Variants in PLCB4 observed in about 807,000 individuals in gnomAD.
PLCB4 encodes phospholipase C beta 4.
A neutral mutation model predicts 178.8 loss-of-function variants in PLCB4; 77 were observed. The observed-to-expected ratio is 0.43, with a 90% confidence interval of 0.36 to 0.52. The LOEUF (loss-of-function observed/expected upper bound fraction) is 0.52, where lower values mean the gene tolerates loss of function less well. Ranked by LOEUF, PLCB4 falls within the 20% of genes least tolerant of loss-of-function variation. PLCB4 has a pLI of 0.00. For missense variants in PLCB4, 1,024 were observed against 1,453.4 expected, an observed-to-expected ratio of 0.70 and a Z score of 4.80; for synonymous variants, 496 against 490.8, an observed-to-expected ratio of 1.01 and a Z score of -0.14.
rs186586783 is a variant in PLCB4 at position 9,383,601 on chromosome 20, C to T, written c.854-600C>T. On this transcript the variant is annotated intron_variant, in intron 13 of 39. Coordinates refer to ENST00000378473, the MANE Select transcript of PLCB4 (RefSeq NM_001377142.1). ...GCTTTTGGGGCCACGTTTCAATGAC[C>T]ACTGTATACTCTTCTCACCAGTCCC... 4.5e-3 allele frequency among the ~76,000 whole-genome samples: 685 copies of T among 152,274 alleles called. 6 individuals are homozygous for T. The highest frequency in any genetic ancestry group is 8.0e-3 in the Non-Finnish European group (541 of 68,026).
chr20:9,208,458 A>G lies in PLCB4; in HGVS notation c.-78-8932A>G, dbSNP rs115983067. ...GAAGGGAGATTTCTTGAGGATTCTC[A>G]TTTTTTTAAGTCTTATCTAATAAGC... On this transcript the variant is annotated intron_variant, in intron 2 of 39. Coordinates refer to ENST00000378473, the MANE Select transcript of PLCB4 (RefSeq NM_001377142.1). Among the ~76,000 whole-genome samples the G allele has an allele frequency of 5.3e-3, 806 of 152,122 alleles. 10 individuals carry two copies. The highest frequency in any genetic ancestry group is 0.019 in the African/African-American group (772 of 41,490).
At chr20:9,305,785 A>T (rs1035552773) in intron 3 of PLCB4, among the ~76,000 whole-genome samples, 1 of 152,148 alleles carries the variant, frequency 6.6e-6, no homozygotes, top group African/African-American at 2.4e-5. Context: ...TTAAATCCAA[A>T]TTTATTTTCC....
intron 2 of PLCB4, among the ~76,000 whole-genome samples, chr20:9,154,915 C>CCTTG (rs1450278708): frequency 1.8e-3 from 211 of 118,364 alleles, no homozygotes; most frequent in African/African-American, 6.6e-3. Context: ...CTCCTTCCTT[C>CCTTG]CTTCCTTCCT....
intron 1 of PLCB4, among the ~76,000 whole-genome samples, chr20:9,093,951 C>A (rs1005986235): frequency 6.6e-6 from 1 of 151,906 alleles, no homozygotes; most frequent in Admixed American, 6.6e-5. Context: ...TTGTCTGTTT[C>A]ACAGTGACAG....
At chr20:9,101,381 A>G (rs1264622827) in intron 2 of PLCB4, among the ~76,000 whole-genome samples, 1 of 152,106 alleles carries the variant, frequency 6.6e-6, no homozygotes, top group Non-Finnish European at 1.5e-5. Flanking sequence ...TGCGTTATGG[A>G]TGGCTCCTCA....
intron 34 of PLCB4, among the ~76,000 whole-genome samples, chr20:9,458,726 C>T (rs1602968434): frequency 6.6e-6 from 1 of 152,290 alleles, no homozygotes; most frequent in East Asian, 1.9e-4. Flanking sequence ...CAAGTACTTT[C>T]CAGCCTCTGC....
intron 3 of PLCB4, among the ~76,000 whole-genome samples, chr20:9,251,599 A>C (rs929630607): frequency 6.6e-6 from 1 of 152,182 alleles, no homozygotes; most frequent in African/African-American, 2.4e-5. Flanking sequence ...CAGGATGGAA[A>C]GAGGCAGAGG....
At chr20:9,297,162 C>CA (rs942497763) in intron 3 of PLCB4, among the ~76,000 whole-genome samples, 19 of 152,030 alleles carry the variant, frequency 1.2e-4, no homozygotes, top group African/African-American at 4.3e-4. Context: ...CCCGCACCCC[C>CA]CCCCACACCA....
At chr20:9,396,037 C>A (rs1002910600) in intron 19 of PLCB4, among the ~76,000 whole-genome samples, 1 of 152,082 alleles carries the variant, frequency 6.6e-6, no homozygotes, top group African/African-American at 2.4e-5. Flanking sequence ...ATAATAATGC[C>A]GTTTTAATTC....
chr20:9,363,320 C>T (rs373681656), intron 8 of PLCB4, among the ~76,000 whole-genome samples: 2 of 152,270 alleles, frequency 1.3e-5, no homozygotes, highest in African/African-American at 4.8e-5. Context: ...TCGCTGAGTG[C>T]TGGGGTAATT....
chr20:9,369,014 C>A (rs1048833350), intron 9 of PLCB4, among the ~76,000 whole-genome samples: 1 of 152,268 alleles, frequency 6.6e-6, no homozygotes, highest in Admixed American at 6.5e-5. Flanking sequence ...AACACAGCCA[C>A]GATATTATCT....
intron 4 of PLCB4, among the ~76,000 whole-genome samples, chr20:9,328,141 A>G (rs892040351): frequency 1.2e-4 from 19 of 152,214 alleles, no homozygotes; most frequent in African/African-American, 4.6e-4. Flanking sequence ...AGTACATCAA[A>G]TGAGGGGTAA....
intron 3 of PLCB4, among the ~76,000 whole-genome samples, chr20:9,262,267 G>C (rs2147555303): frequency 6.6e-6 from 1 of 152,252 alleles, no homozygotes; most frequent in South Asian, 2.1e-4. Flanking sequence ...GAGTATGATA[G>C]CTCAACATGA....
At chr20:9,145,681 C>G (rs964813997) in intron 2 of PLCB4, among the ~76,000 whole-genome samples, 2 of 151,988 alleles carry the variant, frequency 1.3e-5, no homozygotes, top group Non-Finnish European at 2.9e-5. Context: ...TTTATCTTTC[C>G]ATTCACGCAC....
intron 20 of PLCB4, among the ~76,000 whole-genome samples, chr20:9,404,604 CAA>C (rs34712600): frequency 2.3e-4 from 15 of 65,736 alleles, no homozygotes; most frequent in Admixed American, 3.6e-4. Flanking sequence ...GACTGTGTCT[CAA>C]AAAAAAAAAA....
At chr20:9,315,328 A>T (rs1276688209) in intron 4 of PLCB4, among the ~76,000 whole-genome samples, 2 of 152,216 alleles carry the variant, frequency 1.3e-5, no homozygotes. Context: ...TTTTAAAGAC[A>T]TTACAACTTA....
At chr20:9,430,979 G>T (rs1036844476) in intron 28 of PLCB4, among the ~76,000 whole-genome samples, 5 of 152,136 alleles carry the variant, frequency 3.3e-5, no homozygotes, top group African/African-American at 4.8e-5. Flanking sequence ...GTTGGCAATC[G>T]AATGTACAGT....
chr20:9,414,225 A>G (rs2040080801), intron 25 of PLCB4, among the ~76,000 whole-genome samples: 1 of 152,246 alleles, frequency 6.6e-6, no homozygotes. Context: ...GCCCAGCTTG[A>G]TAAAGTATCA....
chr20:9,474,971 G>A (rs2122704384), intron 38 of PLCB4, among the ~76,000 whole-genome samples: 1 of 152,278 alleles, frequency 6.6e-6, no homozygotes, highest in East Asian at 1.9e-4. Flanking sequence ...TGCTCTTAAA[G>A]CACTTCTCAG....
Sources: gnomAD v4.1 joint callset for allele counts (sites outside exome capture counted in the v4.1 genomes callset) on GRCh38, gnomAD v4.1.1 for gene constraint, MANE v1.5 for transcripts, NCBI Gene and HGNC (gene_info 2026-07-23, HGNC 2026-07-21) for gene names.